TLR6: variants seen among roughly 807,000 people sequenced by gnomAD.
TLR6 encodes the protein toll-like receptor 6.
Under a neutral mutation model 16.1 loss-of-function variants are expected in TLR6, and 9 were observed. The ratio of observed to expected loss-of-function variants is 0.56; its 90% CI spans 0.34 to 0.98. TLR6 has a LOEUF of 0.98. Among genes scored for constraint, TLR6 ranks in the 50% least tolerant of loss-of-function variants. The pLI, the probability that TLR6 is intolerant of heterozygous loss-of-function variation, is 0.02. For synonymous variants in TLR6, 340 were observed against 338.6 expected, an observed-to-expected ratio of 1.00 and a Z score of -0.04; for missense variants, 786 against 921.0, an observed-to-expected ratio of 0.85 and a Z score of 1.90.
At chr4:38,858,895 G>GA (rs1240588962), upstream of TLR6, among the ~76,000 whole-genome samples, 2 of 143,630 alleles carry the variant, frequency 1.4e-5, no homozygotes, top group African/African-American at 5.3e-5. Flanking sequence ...AAGAGAGAAA[G>GA]AAAGAAAGAA....
At chr4:38,847,042 A>T (rs1414975461) in intron 1 of TLR6, among the ~76,000 whole-genome samples, 1 of 152,210 alleles carries the variant, frequency 6.6e-6, no homozygotes, top group African/African-American at 2.4e-5. Context: ...CTGAGATTGT[A>T]GAAATGGTCT....
chr4:38,859,092 C>T (rs1053628947), upstream of TLR6, among the ~76,000 whole-genome samples: 12 of 152,306 alleles, frequency 7.9e-5, no homozygotes, highest in East Asian at 1.7e-3. Flanking sequence ...GCTGGGTAAT[C>T]GTTCCAGCTT....
At chr4:38,848,543 C>T (rs140956742) in intron 1 of TLR6, among the ~76,000 whole-genome samples, 6,057 of 152,228 alleles carry the variant, frequency 0.04, 406 homozygotes, top group African/African-American at 0.14. Context: ...AAAGATTAGA[C>T]GAATGGCTAG....
the TLR6 span, among the ~76,000 whole-genome samples, chr4:38,864,315 T>C: frequency 4.6e-5 from 7 of 152,236 alleles, no homozygotes; most frequent in African/African-American, 1.7e-4. Flanking sequence ...ACAGCCGTAT[T>C]TGGTACACAG....
intron 1 of TLR6, among the ~76,000 whole-genome samples, chr4:38,854,359 T>G (rs545242537): frequency 2.6e-5 from 4 of 152,332 alleles, no homozygotes; most frequent in Admixed American, 2.6e-4. Context: ...TTTTTTATAA[T>G]GTTATTTGGC....
At chr4:38,832,248 G>A (rs1451930480) in intron 1 of TLR6, among the ~76,000 whole-genome samples, 1 of 152,190 alleles carries the variant, frequency 6.6e-6, no homozygotes, top group Non-Finnish European at 1.5e-5. Flanking sequence ...GACCAAAACA[G>A]TGAGCAGATA....
chr4:38,868,069 G>A, the TLR6 span: 1 of 414,980 alleles, frequency 2.4e-6, no homozygotes, highest in South Asian at 1.7e-5. Flanking sequence ...GTGTGTGTGT[G>A]TGAGTGTGTG....
chr4:38,835,804 T>G (rs958321572), intron 1 of TLR6, among the ~76,000 whole-genome samples: 11 of 151,936 alleles, frequency 7.2e-5, no homozygotes, highest in African/African-American at 2.7e-4. Flanking sequence ...AAACTACAAA[T>G]CAATAACAAG....
At chr4:38,827,728 G>A in exon 2 of TLR6, 1 of 1,614,218 alleles carries the variant, frequency 6.2e-7, no homozygotes. Context: ...GAGTTATGTT[G>A]CAGGATAATT....
chr4:38,848,663 G>A (rs1045115933), intron 1 of TLR6, among the ~76,000 whole-genome samples: 1 of 152,162 alleles, frequency 6.6e-6, no homozygotes, highest in African/African-American at 2.4e-5. Context: ...TTGATCAACT[G>A]GAAGAAAGAG....
exon 2 of TLR6, chr4:38,828,082 G>T (rs372453464): frequency 6.2e-7 from 1 of 1,614,102 alleles, no homozygotes; most frequent in African/African-American, 1.3e-5. Context: ...GTTTAGGAAC[G>T]CTCTTTATTT....
chr4:38,867,449 C>T, the TLR6 span, among the ~76,000 whole-genome samples: 1 of 152,212 alleles, frequency 6.6e-6, no homozygotes, highest in South Asian at 2.1e-4. Flanking sequence ...AACGCAGAAT[C>T]AGGAGATCAA....
chr4:38,825,397 C>G (rs1727497567), exon 2 of TLR6: 1 of 152,224 alleles, frequency 6.6e-6, no homozygotes, highest in Non-Finnish European at 1.5e-5. Context: ...CCTCCATTGT[C>G]TCTGTCTTCT....
exon 2 of TLR6, chr4:38,827,966 T>A: frequency 6.2e-7 from 1 of 1,614,200 alleles, no homozygotes. Context: ...TGAATTGTGA[T>A]CAATGATCAA....
rs1327770821 is a variant in TLR6 at position 38,828,965 on chromosome 4, T to C, written c.509A>G (p.His170Arg). Residue 170 changes from histidine to arginine, a missense_variant, in exon 2 of 2, where the codon CAT becomes CGT. Physicochemically the swap from His to Arg is conservative, Grantham distance 29. Transcript: ENST00000436693. ...TAAATCCAGAAGGATATAACTTAGATGCAAGTGAGCAATTGGCAGCAAATC... is the reference window on the plus strand; with the variant it reads ...TAAATCCAGAAGGATATAACTTAGACGCAAGTGAGCAATTGGCAGCAAATC... 2.5e-6 allele frequency: 4 copies of C among 1,613,544 alleles called. No individual in the cohort carries two copies. Among genetic ancestry groups the C allele is most frequent in the Admixed American group, 1.7e-5 (1 of 59,994 alleles).
chr4:38,834,203 G>A (rs1040438420), intron 1 of TLR6, among the ~76,000 whole-genome samples: 1 of 151,196 alleles, frequency 6.6e-6, no homozygotes, highest in African/African-American at 2.4e-5. Flanking sequence ...GCACCACTAT[G>A]CTCCAGCCTG....
At chr4:38,824,094 C>G (rs1026339250) in exon 2 of TLR6, 1 of 137,972 alleles carries the variant, frequency 7.2e-6, no homozygotes. Context: ...CCCCGCCCCC[C>G]CCTGCCTGGG....
At chr4:38,858,832 G>GGAGAAAGA (rs1713114793), upstream of TLR6, among the ~76,000 whole-genome samples, 3 of 50,870 alleles carry the variant, frequency 5.9e-5, no homozygotes, top group Admixed American at 2.2e-4. Flanking sequence ...AGAGAGAGAG[G>GGAGAAAGA]AAGAAAGAAA....
At chr4:38,867,020 A>G in the TLR6 span, among the ~76,000 whole-genome samples, 1 of 152,252 alleles carries the variant, frequency 6.6e-6, no homozygotes, top group Non-Finnish European at 1.5e-5. Flanking sequence ...AGTTAATACT[A>G]TAAACACTGC....
Sources: gnomAD v4.1 joint callset for allele counts (sites outside exome capture counted in the v4.1 genomes callset) on GRCh38, gnomAD v4.1.1 for gene constraint, MANE v1.5 for transcripts, NCBI Gene and HGNC (gene_info 2026-07-23, HGNC 2026-07-21) for gene names.